The following ZNF429 variants were observed in gnomAD, a reference collection of about 807,000 sequenced individuals.
ZNF429 encodes the protein zinc finger protein 429.
ZNF429 carries 53 observed loss-of-function variants against 56.8 expected under a neutral mutation model. The ratio of observed to expected loss-of-function variants is 0.93; its 90% confidence interval spans 0.75 to 1.17. The LOEUF (loss-of-function observed/expected upper bound fraction) is 1.17. Among genes scored for constraint, ZNF429 ranks in the 50% most tolerant of loss-of-function variants. The pLI, the probability that ZNF429 is intolerant of heterozygous loss-of-function variation, is 0.00. For missense variants in ZNF429, 849 were observed against 788.4 expected, an observed-to-expected ratio of 1.08 and a Z score of -0.92; for synonymous variants, 278 against 264.7, an observed-to-expected ratio of 1.05 and a Z score of -0.49.
intron 1 of ZNF429, 116 bp from the exon 2 acceptor site, chr19:21,529,542 G>A: frequency 7.9e-7 from 1 of 1,269,424 alleles, no homozygotes; most frequent in East Asian, 3.3e-5. Context: ...GTCAGAAGCA[G>A]TTCTCTTTAC....
Position 21,538,009 on chromosome 19 carries a change from T to C in ZNF429, c.1956T>C (p.Cys652=), listed in dbSNP as rs373941390. The change falls in exon 4 of 4, where the codon TGT becomes TGC. Residue 652 remains cysteine (C), a synonymous_variant. Transcript: ENST00000358491. ...IHRMGVVAHA[C]NPSTLGGRGG... is the part of the protein sequence containing the mutation. Reference sequence around the variant, plus strand: ...GGATGGGTGTGGTGGCTCATGCCTGTAATCCCAGCACTTTGGGAGGCAGAG... The same window carrying C: ...GGATGGGTGTGGTGGCTCATGCCTGCAATCCCAGCACTTTGGGAGGCAGAG... The C allele has an allele frequency of 2.5e-6, 4 of 1,611,706 alleles. No individual in the cohort carries two copies. Among genetic ancestry groups the C allele is most frequent in the Non-Finnish European group, 2.5e-6 (3 of 1,178,940 alleles).
intron 1 of ZNF429, among the ~76,000 whole-genome samples, chr19:21,510,531 G>C (rs1256239678): frequency 6.6e-6 from 1 of 152,160 alleles, no homozygotes; most frequent in Non-Finnish European, 1.5e-5. Context: ...CACAGACATA[G>C]CATCCCAGAG....
intron 1 of ZNF429, among the ~76,000 whole-genome samples, chr19:21,511,380 G>C (rs575605829): frequency 3.3e-5 from 5 of 149,292 alleles, no homozygotes; most frequent in Non-Finnish European, 5.9e-5. Context: ...GGGCAGAGAC[G>C]CTCCTCACCT....
chr19:21,534,394 GA>G lies in ZNF429; in HGVS notation c.227-1885del. On this transcript the variant is annotated intron_variant, in intron 3 of 3. Transcript: ENST00000358491. Reference sequence around the variant, plus strand: ...TCTTTTAAATTTTATTTGTTGTTTTGAGACAGGAGCTTACTCTGTCACCCAG... The same window carrying G: ...TCTTTTAAATTTTATTTGTTGTTTTGGACAGGAGCTTACTCTGTCACCCAG... Among the ~76,000 whole-genome samples, 19 of 143,996 alleles carry G rather than the reference GA, an allele frequency of 1.3e-4. 1 individual carries two copies. Among genetic ancestry groups the G allele is most frequent in the Admixed American group, 2.1e-4 (3 of 14,426 alleles). The allele number at this position is 143,996 out of a possible 152,430, so 94.5% of individuals were successfully genotyped here.
intron 1 of ZNF429, among the ~76,000 whole-genome samples, chr19:21,512,221 C>T (rs2032518208): frequency 6.6e-6 from 1 of 152,060 alleles, no homozygotes; most frequent in Admixed American, 6.6e-5. Context: ...ACTGTTATGG[C>T]ACTGATGGGA....
chr19:21,514,742 G>A (rs1024083808), intron 1 of ZNF429, among the ~76,000 whole-genome samples: 1 of 151,118 alleles, frequency 6.6e-6, no homozygotes, highest in African/African-American at 2.4e-5. Flanking sequence ...GGGATCACAG[G>A]CACGCACCAC....
Position 21,538,136 on chromosome 19 carries a change from A to C in ZNF429, c.*58A>C, listed in dbSNP as rs1342248829. 8.0e-6 allele frequency: 6 copies of C among 747,938 alleles called. No individual in the cohort carries two copies. In the South Asian group the frequency reaches 9.9e-5, roughly 12 times the overall value. The allele number at this position is 747,938 out of a possible 1,614,324, so 46.3% of individuals were successfully genotyped here. A position where few individuals can be genotyped will look rare whatever the true frequency, so the allele number is the denominator to read the frequency against. ...AAAAAAAAAAAAAAAAAAATTAGCC[A>C]GGCGTGGTGGTGGGCACTTGTAGTC... On this transcript the variant is annotated 3_prime_UTR_variant, in exon 4 of 4. Coordinates refer to ENST00000358491, the MANE Select transcript of ZNF429 (RefSeq NM_001001415.4).
Position 21,538,797 on chromosome 19 carries a change from G to T in ZNF429, c.*719G>T, listed in dbSNP as rs1180965330. ...TCTGTTCACATCTTAACAACAGAGA[G>T]TTGATACTTAATAAGAGCATTGTAA... On this transcript the variant is annotated 3_prime_UTR_variant, in exon 4 of 4. Coordinates refer to ENST00000358491, the MANE Select transcript of ZNF429 (RefSeq NM_001001415.4). 1 of 152,164 alleles carries T rather than the reference G, an allele frequency of 6.6e-6. No homozygotes were observed. The highest frequency in any genetic ancestry group is 1.5e-5 in the Non-Finnish European group (1 of 68,024). The allele number at this position is 152,164 out of a possible 1,614,324, so 9.4% of individuals were successfully genotyped here.
chr19:21,529,064 G>A (rs1283085214), intron 1 of ZNF429: 1 of 152,108 alleles, frequency 6.6e-6, no homozygotes. Flanking sequence ...GAAAATGAAA[G>A]CTCTCATCTT....
chr19:21,511,115 G>T (rs1398547976), intron 1 of ZNF429, among the ~76,000 whole-genome samples: 2 of 152,120 alleles, frequency 1.3e-5, no homozygotes, highest in South Asian at 2.1e-4. Context: ...CAGACGGGGT[G>T]GTGGCCGGGC....
At chr19:21,512,399 G>T (rs1041728954) in intron 1 of ZNF429, among the ~76,000 whole-genome samples, 43 of 151,870 alleles carry the variant, frequency 2.8e-4, no homozygotes, top group African/African-American at 9.2e-4. Context: ...TGGGCCATGC[G>T]CGGTAATTTC....
Position 21,536,554 on chromosome 19 carries a change from T to C in ZNF429, c.501T>C (p.His167=), listed in dbSNP as rs2033681517. 1.2e-6 allele frequency: 2 copies of C among 1,613,442 alleles called. No homozygotes were observed. The highest frequency in any genetic ancestry group is 1.1e-5 in the South Asian group (1 of 91,060). Residue 167 remains histidine, a synonymous_variant, in exon 4 of 4, where the codon CAT becomes CAC. Transcript: ENST00000358491. ...ATGCAGATAGATACAAGACAAGACA[T>C]ACTGGAAAGAAACCTTTCCAGTGTA... ...FSNADRYKTR[H]TGKKPFQCKK...
intron 1 of ZNF429, among the ~76,000 whole-genome samples, chr19:21,513,835 G>A (rs968500893): frequency 2.0e-5 from 3 of 150,332 alleles, no homozygotes; most frequent in Admixed American, 6.7e-5. Flanking sequence ...CTGCCACCAC[G>A]TGATTCCCAC....
At position 21,506,439 on chromosome 19, in the gene ZNF429, C is replaced by CAAA. The variant is rs368469112; in HGVS notation, c.3+666_3+668dup. ...GCTGGTTGACACAATGAGACTATCT[C>CAAA]AAACAAAAAAAAAAAAAAAAAAGGG... is the stretch of plus-strand genomic sequence containing the variant. On this transcript the variant is annotated intron_variant, in intron 1 of 3. Transcript: ENST00000358491. Among the ~76,000 whole-genome samples the CAAA allele has an allele frequency of 9.7e-5, 4 of 41,444 alleles. 1 individual carries two copies. Among genetic ancestry groups the CAAA allele is most frequent in the African/African-American group, 1.3e-4 (1 of 7,744 alleles). 27.2% of individuals were successfully genotyped at this position (41,444 alleles called of 152,430 possible). A position where few individuals can be genotyped will look rare whatever the true frequency, so the allele number is the denominator to read the frequency against.
At chr19:21,515,240 CTT>C (rs35926199) in intron 1 of ZNF429, among the ~76,000 whole-genome samples, 9 of 128,084 alleles carry the variant, frequency 7.0e-5, no homozygotes, top group Admixed American at 7.9e-5. Flanking sequence ...TGTGCCTGGC[CTT>C]TTTTTTTTTT....
chr19:21,512,490 T>C lies in ZNF429; in HGVS notation c.3+6716T>C, dbSNP rs111691894. ...GCCTGACCAACATGATGAAACCCCA[T>C]CTCTACTAAAAAAAAATATAAAAAT... On this transcript the variant is annotated intron_variant, in intron 1 of 3. Coordinates refer to ENST00000358491, the MANE Select transcript of ZNF429 (RefSeq NM_001001415.4). Among the ~76,000 whole-genome samples, 591 of 151,424 alleles carry C rather than the reference T, an allele frequency of 3.9e-3. 6 individuals carry two copies. The highest frequency in any genetic ancestry group is 0.01 in the Middle Eastern group (3 of 294).
At chr19:21,507,050 G>A (rs1277401952) in intron 1 of ZNF429, among the ~76,000 whole-genome samples, 1 of 152,174 alleles carries the variant, frequency 6.6e-6, no homozygotes, top group Non-Finnish European at 1.5e-5. Context: ...TTACAGGCGT[G>A]AGCCACGGCT....
intron 1 of ZNF429, among the ~76,000 whole-genome samples, chr19:21,527,484 C>A (rs559533356): frequency 6.6e-6 from 1 of 152,166 alleles, no homozygotes; most frequent in African/African-American, 2.4e-5. Context: ...AAGACACATT[C>A]ATGAGAGTTC....
chr19:21,530,591 A>G lies in ZNF429; in HGVS notation c.133A>G (p.Ile45Val), dbSNP rs1403887461. 5.0e-6 allele frequency: 8 copies of G among 1,595,694 alleles called. No homozygotes were observed. In the African/African-American group the frequency reaches 8.1e-5, roughly 16 times the overall value. The change falls in exon 3 of 4, where the codon ATT becomes GTT. Residue 45 changes from isoleucine (I) to valine (V), a missense_variant and splice_region_variant. Physicochemically the swap from Ile to Val is conservative, Grantham distance 29 (BLOSUM62 3). Transcript: ENST00000358491. ...ENYRNLVFLG[I>V]AVSKPDLITC... The stretch of plus-strand genomic sequence containing the variant: ...CTTCTTTATTTTTAATAAAACAGGT[A>G]TTGCTGTTTCTAAGCCAGACCTAAT...
Sources: gnomAD v4.1 joint callset for allele counts (sites outside exome capture counted in the v4.1 genomes callset) on GRCh38, gnomAD v4.1.1 for gene constraint, MANE v1.5 for transcripts, NCBI Gene and HGNC (gene_info 2026-07-23, HGNC 2026-07-21) for gene names.